The following PTPRQ variants were observed in gnomAD, a reference collection of about 807,000 sequenced individuals.
PTPRQ encodes phosphatidylinositol phosphatase PTPRQ.
In PTPRQ, 199 loss-of-function variants were observed where a neutral mutation model predicts 246.0. The observed-to-expected ratio is 0.81, with a 90% CI of 0.72 to 0.91. The LOEUF (loss-of-function observed/expected upper bound fraction) is 0.91. Among genes scored for constraint, PTPRQ ranks in the 40% least tolerant of loss-of-function variants. The pLI is 0.00. For missense variants in PTPRQ, 2,624 were observed against 2,528.4 expected, an observed-to-expected ratio of 1.04 and a Z score of -0.81; for synonymous variants, 869 against 853.2, an observed-to-expected ratio of 1.02 and a Z score of -0.32.
At chr12:80,666,618 T>C (rs1900794494) in intron 39 of PTPRQ, among the ~76,000 whole-genome samples, 1 of 151,970 alleles carries the variant, frequency 6.6e-6, no homozygotes, top group Non-Finnish European at 1.5e-5. Flanking sequence ...CTCATTACCC[T>C]GACTTGAGTA....
rs1011238891 is a variant in PTPRQ, at chr12:80,669,174, T to G, written c.6327+33T>G. ...ATTTGAAAATGTTTTACAAATGTTG[T>G]TTTACGATTGTGTTAACATATGTGT... On this transcript the variant is annotated intron_variant, in intron 40 of 44. Coordinates refer to ENST00000644991, the MANE Select transcript of PTPRQ (RefSeq NM_001145026.2). 2.6e-6 allele frequency: 4 copies of G among 1,540,284 alleles called. No individual in the cohort carries two copies. The African/African-American group carries it at 4.1e-5, about 16-fold the overall frequency.
chr12:80,589,626 C>A (rs1053946771), intron 26 of PTPRQ, among the ~76,000 whole-genome samples: 1 of 152,084 alleles, frequency 6.6e-6, no homozygotes, highest in Non-Finnish European at 1.5e-5. Flanking sequence ...TTACAATTTC[C>A]CAGAGTATCT....
At chr12:80,605,037 A>G (rs1194986254) in intron 26 of PTPRQ, 22 bp from the exon 27 acceptor site, 4 of 1,529,768 alleles carry the variant, frequency 2.6e-6, no homozygotes, top group Non-Finnish European at 3.5e-6. Flanking sequence ...GTAGCTAGAT[A>G]ATTAATTTTC....
chr12:80,495,919 T>C lies in PTPRQ; in HGVS notation c.1883-80T>C, dbSNP rs561374399. ...TCTAGTCCCCCGTATAAATTCTTCT[T>C]ACTGGCCTTATATTAAATGGCACCA... is the stretch of plus-strand genomic sequence containing the variant. On this transcript the variant is annotated intron_variant, in intron 12 of 44. Transcript: ENST00000644991. The C allele has an allele frequency of 8.2e-5, 120 of 1,455,986 alleles. 1 individual carries two copies. In the Admixed American group the frequency reaches 3.3e-3, roughly 39 times the overall value. The allele number at this position is 1,455,986 out of a possible 1,614,324, so 90.2% of individuals were successfully genotyped here. A position where few individuals can be genotyped will look rare whatever the true frequency, so the allele number is the denominator to read the frequency against.
intron 29 of PTPRQ, 126 bp downstream of exon 29, chr12:80,613,962 T>G (rs1285189006): frequency 1.4e-5 from 17 of 1,172,898 alleles, no homozygotes; most frequent in Non-Finnish European, 1.9e-5. Context: ...TTGTTTGACA[T>G]CTCAACAAAA....
rs1893020447 is a variant in PTPRQ, at chr12:80,457,616, T to A, written c.432T>A (p.Asp144Glu). 2.5e-6 allele frequency: 1 copy of A among 400,172 alleles called. No individual in the cohort carries two copies. Among genetic ancestry groups the A allele is most frequent in the Non-Finnish European group, 4.4e-6 (1 of 225,922 alleles). The allele number at this position is 400,172 out of a possible 1,614,324, so 24.8% of individuals were successfully genotyped here. ...ENSAGIGVFS[D>E]PFLFQTAESA... ...GTGCTGGCATTGGAGTGTTTAGTGA[T>A]CCATTTCTCTTCCAAACTGCAGAAA... is the stretch of plus-strand genomic sequence containing the variant. Residue 144 changes from aspartate to glutamate, a missense_variant, in exon 4 of 45, where the codon GAT becomes GAA. Transcript: ENST00000644991.
At position 80,535,167 on chromosome 12, in the gene PTPRQ, C is replaced by T. The variant is rs11833479; in HGVS notation, c.2985+130C>T. ...AGGCACAGATGTATTTTATAAAACT[C>T]CCATTGACATAGAAAAATGCGGTGT... On this transcript the variant is annotated intron_variant, in intron 19 of 44. Coordinates refer to ENST00000644991, the MANE Select transcript of PTPRQ (RefSeq NM_001145026.2). 0.04 allele frequency: 35,441 copies of T among 896,204 alleles called. 887 individuals are homozygous for T. Among genetic ancestry groups the T allele is most frequent in the African/African-American group, 0.072 (4,145 of 57,244 alleles). 55.5% of individuals were successfully genotyped at this position (896,204 alleles called of 1,614,324 possible).
At chr12:80,523,539 T>C (rs557334439) in intron 17 of PTPRQ, among the ~76,000 whole-genome samples, 3 of 152,292 alleles carry the variant, frequency 2.0e-5, no homozygotes, top group Admixed American at 6.5e-5. Context: ...GCTTTGAATG[T>C]GTCCCAGATA....
intron 14 of PTPRQ, among the ~76,000 whole-genome samples, chr12:80,501,933 T>A (rs887084073): frequency 1.1e-4 from 15 of 136,142 alleles, no homozygotes; most frequent in Non-Finnish European, 2.2e-4. Context: ...ATTAACAGAG[T>A]ATGATAGGCA....
chr12:80,538,758 CTAAT>C (rs976216973), intron 19 of PTPRQ, among the ~76,000 whole-genome samples: 5 of 148,876 alleles, frequency 3.4e-5, no homozygotes, highest in Non-Finnish European at 7.5e-5. Context: ...TTAAATGAAA[CTAAT>C]TACTGTTTTT....
intron 39 of PTPRQ, among the ~76,000 whole-genome samples, chr12:80,660,953 TA>T (rs1417813532): frequency 2.1e-4 from 32 of 151,880 alleles, no homozygotes; most frequent in African/African-American, 7.7e-4. Flanking sequence ...AGGAAGAGCA[TA>T]AGGTACTGGG....
At chr12:80,626,371 A>G (rs1029586633) in intron 33 of PTPRQ, among the ~76,000 whole-genome samples, 2 of 152,174 alleles carry the variant, frequency 1.3e-5, no homozygotes, top group Admixed American at 6.6e-5. Flanking sequence ...AAATGAGAAT[A>G]CTAATACTCA....
At chr12:80,532,915 T>A (rs1386167812) in intron 17 of PTPRQ, among the ~76,000 whole-genome samples, 6 of 152,184 alleles carry the variant, frequency 3.9e-5, no homozygotes, top group African/African-American at 1.4e-4. Flanking sequence ...CTGAAATGTA[T>A]CTCTGTGGAA....
Position 80,657,975 on chromosome 12 carries a change from T to G in PTPRQ, c.6116-10T>G. 1 of 1,401,954 alleles carries G rather than the reference T, an allele frequency of 7.1e-7. No individual in the cohort carries two copies. The highest frequency in any genetic ancestry group is 1.8e-5 in the South Asian group (1 of 56,876). The allele number at this position is 1,401,954 out of a possible 1,614,324, so 86.8% of individuals were successfully genotyped here. A position where few individuals can be genotyped will look rare whatever the true frequency, so the allele number is the denominator to read the frequency against. ...GCCAATTAACATTGATTCCTTATATTTTCTTCTAGATAATAATAACAGAGT... is the reference window on the plus strand; with the variant it reads ...GCCAATTAACATTGATTCCTTATATGTTCTTCTAGATAATAATAACAGAGT... On this transcript the variant is annotated splice_polypyrimidine_tract_variant and intron_variant, in intron 38 of 44. Transcript: ENST00000644991.
chr12:80,527,688 G>A (rs149837609), intron 17 of PTPRQ, among the ~76,000 whole-genome samples: 2,171 of 152,260 alleles, frequency 0.014, 19 homozygotes, highest in Non-Finnish European at 0.023. Context: ...AATGAAAAAG[G>A]AGACATAACT....
At chr12:80,631,048 A>C (rs1899412681) in intron 33 of PTPRQ, among the ~76,000 whole-genome samples, 2 of 152,064 alleles carry the variant, frequency 1.3e-5, no homozygotes, top group African/African-American at 4.8e-5. Context: ...CACTCCTTTA[A>C]CATTTATGCA....
intron 17 of PTPRQ, among the ~76,000 whole-genome samples, chr12:80,522,531 C>G (rs566954433): frequency 2.6e-5 from 4 of 151,992 alleles, no homozygotes; most frequent in Admixed American, 6.6e-5. Context: ...TTTTGAAATA[C>G]GTCCCATCAA....
At chr12:80,668,485 A>G (rs1490233511) in intron 39 of PTPRQ, among the ~76,000 whole-genome samples, 2 of 151,932 alleles carry the variant, frequency 1.3e-5, no homozygotes, top group South Asian at 4.1e-4. Flanking sequence ...AAGAGTGTAC[A>G]TATATCTGCA....
At chr12:80,595,510 G>T (rs912716941) in intron 26 of PTPRQ, among the ~76,000 whole-genome samples, 54 of 152,054 alleles carry the variant, frequency 3.6e-4, no homozygotes, top group African/African-American at 1.2e-3. Flanking sequence ...CTCTTGGCCA[G>T]TAGCTTTTCA....
Sources: allele counts gnomAD v4.1 joint callset (sites outside exome capture counted in the v4.1 genomes callset), GRCh38; gene constraint gnomAD v4.1.1; transcripts MANE v1.5; gene names NCBI Gene and HGNC (gene_info 2026-07-23, HGNC 2026-07-21).